RBFOX1: variants seen among roughly 807,000 people sequenced by gnomAD.
RBFOX1 encodes RNA binding fox-1 homolog 1.
In RBFOX1, 8 loss-of-function variants were observed where a neutral mutation model predicts 57.7. That is an observed-to-expected ratio of 0.14 (90% CI 0.08 to 0.25). RBFOX1 has a LOEUF of 0.25. RBFOX1 is among the 10% of genes least tolerant of loss of function. The pLI is 1.00. For missense variants in RBFOX1, 611 were observed against 548.5 expected (o/e 1.11, Z -1.14); for synonymous variants, 326 against 222.4 (o/e 1.47, Z -4.15).
intron 1 of RBFOX1, among the ~76,000 whole-genome samples, chr16:6,293,440 A>G (rs190632746): frequency 8.4e-3 from 682 of 81,406 alleles, no homozygotes; most frequent in Middle Eastern, 0.014. Context: ...TTCTGTTTTG[A>G]ATATTTGTTA....
intron 1 of RBFOX1, among the ~76,000 whole-genome samples, chr16:6,051,967 C>T (rs994948867): frequency 1.3e-4 from 20 of 152,166 alleles, no homozygotes; most frequent in Admixed American, 8.5e-4. Context: ...TCACCTGGAC[C>T]GACAAGTTTG....
At chr16:6,890,445 G>A (rs72770622) in intron 3 of RBFOX1, among the ~76,000 whole-genome samples, 9,523 of 152,262 alleles carry the variant, frequency 0.063, 371 homozygotes, top group South Asian at 0.14. Context: ...CTTAAACCCA[G>A]ATGGCAGAGA....
chr16:7,483,296 C>T (rs773845080), intron 4 of RBFOX1, among the ~76,000 whole-genome samples: 2 of 152,164 alleles, frequency 1.3e-5, no homozygotes, highest in Non-Finnish European at 2.9e-5. Flanking sequence ...TGACGAAGAG[C>T]GTTGGCTTCA....
Position 7,431,992 on chromosome 16 carries a change from C to T in RBFOX1, c.28-86155C>T, listed in dbSNP as rs989111280. Among the ~76,000 whole-genome samples, 28 of 152,244 alleles carry T rather than the reference C, an allele frequency of 1.8e-4. 1 individual carries two copies. Among genetic ancestry groups the T allele is most frequent in the Admixed American group, 1.6e-3 (25 of 15,292 alleles). ...GCCAAGCATTCCCACCAGTGGGCAGCCTGTGGCACCTAGAAGGTCCGCTCC... is the reference window on the plus strand; with the variant it reads ...GCCAAGCATTCCCACCAGTGGGCAGTCTGTGGCACCTAGAAGGTCCGCTCC... On this transcript the variant is annotated intron_variant, in intron 4 of 15. Coordinates refer to ENST00000550418, the MANE Select transcript of RBFOX1 (RefSeq NM_018723.4).
intron 4 of RBFOX1, among the ~76,000 whole-genome samples, chr16:7,290,555 A>G (rs2095749220): frequency 1.3e-5 from 2 of 152,238 alleles, no homozygotes; most frequent in South Asian, 4.1e-4. Flanking sequence ...CTAGTAAATT[A>G]AATGAATCTC....
intron 1 of RBFOX1, among the ~76,000 whole-genome samples, chr16:6,289,682 T>G (rs2077263360): frequency 6.6e-6 from 1 of 152,116 alleles, no homozygotes; most frequent in Admixed American, 6.6e-5. Flanking sequence ...GAAGATGCAT[T>G]GAGCAATAGG....
intron 4 of RBFOX1, among the ~76,000 whole-genome samples, chr16:7,205,730 G>T (rs543157251): frequency 2.1e-3 from 319 of 152,304 alleles, no homozygotes; most frequent in African/African-American, 7.1e-3. Flanking sequence ...TGGGCAGAAA[G>T]AAAACGAAGT....
At chr16:6,260,718 T>C (rs913887964) in intron 1 of RBFOX1, among the ~76,000 whole-genome samples, 1 of 151,970 alleles carries the variant, frequency 6.6e-6, no homozygotes, top group Non-Finnish European at 1.5e-5. Flanking sequence ...TCTGTACTAC[T>C]GATAATACAA....
intron 3 of RBFOX1, among the ~76,000 whole-genome samples, chr16:7,001,334 G>T (rs980414947): frequency 2.0e-5 from 3 of 151,744 alleles, no homozygotes; most frequent in Admixed American, 6.6e-5. Context: ...TTCCTACCCT[G>T]GCCCTGACTC....
At position 5,436,357 on chromosome 16, in the gene RBFOX1, C is replaced by G. The variant is rs76389797; in HGVS notation, c.220-30859C>G. The stretch of plus-strand genomic sequence containing the variant: ...ATTAGTTCAGGGGCTACAGAAGAGA[C>G]AGGGTGAGAAAACCACCATCACTCT... On this transcript the variant is annotated intron_variant, in intron 1 of 2. Transcript: ENST00000585867. Among the ~76,000 whole-genome samples, 1,189 of 152,248 alleles carry G rather than the reference C, an allele frequency of 7.8e-3. 14 individuals are homozygous for G. The highest frequency in any genetic ancestry group is 0.027 in the African/African-American group (1,103 of 41,534).
chr16:5,635,805 G>T lies in RBFOX1; in HGVS notation c.318+36844G>T, dbSNP rs1055537050. Among the ~76,000 whole-genome samples the T allele has an allele frequency of 4.0e-5, 6 of 151,842 alleles. No homozygotes were observed. In the East Asian group the frequency reaches 9.7e-4, roughly 25 times the overall value. On this transcript the variant is annotated intron_variant, in intron 3 of 19. Coordinates refer to the RBFOX1 transcript ENST00000641259. ...AGATCCTGTTGATTTGTAGCACTGG[G>T]TTTTTTTTGGAGGATTTTTATCCTA... is the stretch of plus-strand genomic sequence containing the variant.
chr16:7,050,305 G>T (rs540365045), intron 3 of RBFOX1, among the ~76,000 whole-genome samples: 11 of 111,644 alleles, frequency 9.9e-5, no homozygotes, highest in Non-Finnish European at 1.9e-4. Context: ...CACTCTTGTT[G>T]CCCAGGATGG....
intron 4 of RBFOX1, among the ~76,000 whole-genome samples, chr16:7,505,000 T>C (rs7499299): frequency 0.82 from 121,436 of 148,990 alleles, 50,444 homozygotes; most frequent in Middle Eastern, 0.91. Context: ...TAGGATATTC[T>C]AATGGGGAAA....
intron 4 of RBFOX1, among the ~76,000 whole-genome samples, chr16:7,413,047 A>G (rs1171143837): frequency 6.6e-6 from 1 of 152,080 alleles, no homozygotes; most frequent in Non-Finnish European, 1.5e-5. Flanking sequence ...GTCTCAAAAC[A>G]AAATAAAAAT....
intron 4 of RBFOX1, among the ~76,000 whole-genome samples, chr16:7,452,532 G>A (rs1056863203): frequency 6.6e-6 from 1 of 152,122 alleles, no homozygotes; most frequent in Non-Finnish European, 1.5e-5. Flanking sequence ...ATAAATAAAT[G>A]ATCAATGCCT....
intron 4 of RBFOX1, among the ~76,000 whole-genome samples, chr16:7,431,491 T>C (rs1023258539): frequency 3.3e-4 from 51 of 152,268 alleles, no homozygotes; most frequent in African/African-American, 1.2e-3. Context: ...TCCTTCCACT[T>C]TGGCCTCCCA....
rs184050148 is a variant in RBFOX1 at position 7,196,619 on chromosome 16, A to G, written c.27+144521A>G. Among the ~76,000 whole-genome samples the G allele has an allele frequency of 5.4e-3, 821 of 152,324 alleles. 5 individuals carry two copies. The highest frequency in any genetic ancestry group is 0.019 in the African/African-American group (777 of 41,564). On this transcript the variant is annotated intron_variant, in intron 4 of 15. Transcript: ENST00000550418. ...GCATTTTTTAGAGGAAACCAGGGTC[A>G]ATGCCTTCAAAGAACTTGTAGTTAG...
intron 1 of RBFOX1, among the ~76,000 whole-genome samples, chr16:6,168,550 T>C (rs1206127809): frequency 2.6e-5 from 4 of 152,188 alleles, no homozygotes; most frequent in Non-Finnish European, 1.5e-5. Context: ...CGATTATGTA[T>C]AAAAATGACC....
chr16:6,020,741 T>C (rs986391784), intron 1 of RBFOX1, among the ~76,000 whole-genome samples: 1 of 152,080 alleles, frequency 6.6e-6, no homozygotes, highest in Admixed American at 6.5e-5. Flanking sequence ...TGTCCAGCTA[T>C]GGAAGCGAGG....
Sources: allele counts gnomAD v4.1 joint callset (sites outside exome capture counted in the v4.1 genomes callset), GRCh38; gene constraint gnomAD v4.1.1; transcripts MANE v1.5; gene names NCBI Gene and HGNC (gene_info 2026-07-23, HGNC 2026-07-21).